STAG3: variants seen among roughly 807,000 people sequenced by gnomAD.
STAG3 encodes STAG3 cohesin complex component.
STAG3 carries 101 observed loss-of-function variants against 160.7 expected under a neutral mutation model. The ratio of observed to expected loss-of-function variants is 0.63; its 90% CI spans 0.54 to 0.74. The LOEUF is 0.74. STAG3 is among the 30% of genes least tolerant of loss of function. STAG3 has a pLI of 0.00. For synonymous variants in STAG3, 519 were observed against 585.0 expected (o/e 0.89, Z 1.63); for missense variants, 1,188 against 1,517.4 (o/e 0.78, Z 3.61).
intron 4 of STAG3, among the ~76,000 whole-genome samples, chr7:100,185,075 T>G (rs1361741354): frequency 1.3e-5 from 2 of 152,036 alleles, no homozygotes; most frequent in Non-Finnish European, 2.9e-5. Context: ...AGGGTCTCAT[T>G]CTTTCTAGGC....
chr7:100,205,435 G>A (rs1441644994), intron 29 of STAG3, 51 bp downstream of exon 29: 2 of 1,518,636 alleles, frequency 1.3e-6, no homozygotes, highest in Non-Finnish European at 1.8e-6. Context: ...GTCGTTGGCT[G>A]CCTGCAAACT....
chr7:100,209,753 G>A lies in STAG3; in HGVS notation c.3239-1258G>A, dbSNP rs566354671. Among the ~76,000 whole-genome samples the A allele has an allele frequency of 9.2e-5, 14 of 152,324 alleles. No homozygotes were observed. In the East Asian group the frequency reaches 2.5e-3, roughly 27 times the overall value. ...GGCCAGATTCTGGGTGCATTTTCAA[G>A]GTATCTCTAATAGGCTTTTCTGACA... On this transcript the variant is annotated intron_variant, in intron 29 of 33. Coordinates refer to ENST00000615138, the MANE Select transcript of STAG3 (RefSeq NM_001282717.2).
chr7:100,211,657 G>A, intron 31 of STAG3, 118 bp downstream of exon 31: 11 of 1,408,682 alleles, frequency 7.8e-6, no homozygotes, highest in Non-Finnish European at 1.1e-5. Context: ...TAGCCACAGA[G>A]CACTTCCTGT....
rs766691556 is a variant in STAG3, at chr7:100,188,800, A to T, written c.511-12A>T. 4.0e-5 allele frequency: 64 copies of T among 1,613,832 alleles called. No individual in the cohort carries two copies. The highest frequency in any genetic ancestry group is 3.1e-5 in the Non-Finnish European group (37 of 1,179,886). Reference sequence around the variant, plus strand: ...AATAACTTTCCCATCCTTTTCATACATCCTTTTGTAGGACTCGGGGGACTA... The same window carrying T: ...AATAACTTTCCCATCCTTTTCATACTTCCTTTTGTAGGACTCGGGGGACTA... On this transcript the variant is annotated splice_polypyrimidine_tract_variant and intron_variant, in intron 6 of 33. Coordinates refer to ENST00000615138, the MANE Select transcript of STAG3 (RefSeq NM_001282717.2).
rs781594291 is a variant in STAG3 at position 100,204,654 on chromosome 7, G to A, written c.2830G>A (p.Gly944Arg). Residue 944 changes from glycine (G) to arginine (R), a missense_variant, in exon 27 of 34, where the codon GGG (glycine) becomes AGG (arginine). Coordinates refer to ENST00000615138, the MANE Select transcript of STAG3 (RefSeq NM_001282717.2). ...QLYTELLQEH[G>R]PQGLNELPAF... ...GTACACAGAACTGCTGCAGGAGCAT[G>A]GGCCCCAGGGCCTGAATGAGCTTCC... The A allele has an allele frequency of 8.1e-6, 13 of 1,614,168 alleles. No homozygotes were observed. The highest frequency in any genetic ancestry group is 7.7e-5 in the South Asian group (7 of 91,086).
rs149453723 is a variant in STAG3 at position 100,189,485 on chromosome 7, A to C, written c.756A>C (p.Gln252His). 2 of 1,613,944 alleles carry C rather than the reference A, an allele frequency of 1.2e-6. No individual in the cohort carries two copies. Among genetic ancestry groups the C allele is most frequent in the Non-Finnish European group, 1.7e-6 (2 of 1,179,996 alleles). ...CCTCCCTGGTAAAAGTTGCCCTCCA[A>C]CTGAGTGTGCACCAAGATAACAATC... ...LMTSLVKVAL[Q>H]LSVHQDNNQR... The change falls in exon 8 of 34, where the codon CAA (glutamine) becomes CAC (histidine). Residue 252 changes from glutamine to histidine, a missense_variant. Physicochemically the swap from Gln to His is conservative, Grantham distance 24 (BLOSUM62 0). Around this residue, in one of 4 missense-constraint regions of STAG3, gnomAD observed 296 missense variants for 404.0 expected, o/e 0.73. Transcript: ENST00000615138.
At chr7:100,218,738 G>A (rs1584835399), downstream of STAG3, 4 of 306,560 alleles carry the variant, frequency 1.3e-5, no homozygotes, top group Middle Eastern at 8.5e-4. Flanking sequence ...TGATAGTGAA[G>A]GGGTGAAAGG....
At chr7:100,185,601 CAA>C (rs57953038) in intron 4 of STAG3, among the ~76,000 whole-genome samples, 116 of 61,678 alleles carry the variant, frequency 1.9e-3, no homozygotes, top group African/African-American at 5.5e-3. Context: ...GACTCCATCT[CAA>C]AAAAAAAAAA....
At chr7:100,201,584 G>A (rs1801137679) in intron 21 of STAG3, 2 of 634,982 alleles carry the variant, frequency 3.1e-6, no homozygotes, top group African/African-American at 1.8e-5. Flanking sequence ...TCTAGAAGAC[G>A]TAGAGTAAAT....
chr7:100,194,147 A>G (rs1262100092), intron 8 of STAG3, among the ~76,000 whole-genome samples: 1 of 151,920 alleles, frequency 6.6e-6, no homozygotes, highest in Non-Finnish European at 1.5e-5. Flanking sequence ...GGGTTTCGCC[A>G]TGTTGGTCAG....
chr7:100,201,805 CTCTTG>C lies in STAG3; in HGVS notation c.2244_2248del (p.Val749PhefsTer12). Reference sequence around the variant, plus strand: ...TTACAGGTTATCCTGCCAGCCTTGACTCTTGTCTATTTTTCCATTCTCTGGACACT... The same window carrying C: ...TTACAGGTTATCCTGCCAGCCTTGACTCTATTTTTCCATTCTCTGGACACT... On this transcript the variant is annotated frameshift_variant, in exon 22 of 34. Transcript: ENST00000615138. LOFTEE classifies it high-confidence loss of function. 2 of 1,614,140 alleles carry C rather than the reference CTCTTG, an allele frequency of 1.2e-6. No individual in the cohort carries two copies. Among genetic ancestry groups the C allele is most frequent in the Non-Finnish European group, 1.7e-6 (2 of 1,180,018 alleles).
At chr7:100,189,393 C>G in intron 7 of STAG3, 52 bp from the exon 8 acceptor site, 2 of 1,562,194 alleles carry the variant, frequency 1.3e-6, no homozygotes, top group Middle Eastern at 1.7e-4. Flanking sequence ...TACTCATCCT[C>G]TCTCCTCTGA....
Position 100,211,434 on chromosome 7 carries a change from G to A in STAG3, c.3414-1G>A. 1 of 1,612,976 alleles carries A rather than the reference G, an allele frequency of 6.2e-7. No homozygotes were observed. ...CATCATTGATCCTGCTTCATTCCCA[G>A]CAGTCAGCCCGTCGCAGGCACCGAG... On this transcript the variant is annotated splice_acceptor_variant, in intron 30 of 33. Coordinates refer to ENST00000615138, the MANE Select transcript of STAG3 (RefSeq NM_001282717.2). LOFTEE classifies it high-confidence loss of function.
At position 100,211,890 on chromosome 7, in the gene STAG3, C is replaced by T. The variant is rs770028116; in HGVS notation, c.3600+14C>T. 3.1e-6 allele frequency: 5 copies of T among 1,612,588 alleles called. No individual in the cohort carries two copies. The highest frequency in any genetic ancestry group is 4.2e-6 in the Non-Finnish European group (5 of 1,179,232). ...GATACAGACATGGTGAGTAGACCAC[C>T]CTGCCCTTCTCTCTCAAGAACTAGG... is the stretch of plus-strand genomic sequence containing the variant. On this transcript the variant is annotated intron_variant, in intron 32 of 33. Coordinates refer to ENST00000615138, the MANE Select transcript of STAG3 (RefSeq NM_001282717.2).
Position 100,198,904 on chromosome 7 carries a change from G to A in STAG3, c.1414G>A (p.Gly472Ser). 1 of 1,612,284 alleles carries A rather than the reference G, an allele frequency of 6.2e-7. No homozygotes were observed. Among genetic ancestry groups the A allele is most frequent in the African/African-American group, 1.3e-5 (1 of 75,004 alleles). ...MGGREQRQSPGAQRTFFQLLL... is the reference protein window; with the variant it reads ...MGGREQRQSPSAQRTFFQLLL... ...TGGAAGAGAGCAACGCCAGAGCCCA[G>A]GCGCCCAGAGGACTTTCTTCCAGCT... Residue 472 changes from glycine (G) to serine (S), a missense_variant, in exon 14 of 34, where the codon GGC (glycine) becomes AGC (serine). By Grantham distance (56) the Gly-to-Ser change is moderately conservative. This residue lies in a region of STAG3 where 240 missense variants were observed against 358.1 expected (regional missense o/e 0.67). Transcript: ENST00000615138.
chr7:100,202,015 G>T lies in STAG3; in HGVS notation c.2368G>T (p.Asp790Tyr), dbSNP rs778263394. 1.4e-5 allele frequency: 22 copies of T among 1,614,062 alleles called. No individual in the cohort carries two copies. The highest frequency in any genetic ancestry group is 1.7e-5 in the Non-Finnish European group (20 of 1,180,038). The change falls in exon 23 of 34, where the codon GAT (aspartate) becomes TAT (tyrosine). Residue 790 changes from aspartate (D) to tyrosine (Y), a missense_variant. Physicochemically the swap from Asp to Tyr is radical, Grantham distance 160. Coordinates refer to ENST00000615138, the MANE Select transcript of STAG3 (RefSeq NM_001282717.2). ...FCELCQSCLS[D>Y]VDTEIQEQAF... is the part of the protein sequence containing the mutation. ...TGAACTCTGCCAGAGTTGCCTCTCA[G>T]ATGTGGATACTGAGATCCAGGAGCA...
chr7:100,184,463 G>GGTTTTTT lies in STAG3; in HGVS notation c.336+1624_336+1625insGTTTTTT, dbSNP rs71126310. Among the ~76,000 whole-genome samples the GGTTTTTT allele has an allele frequency of 8.8e-3, 871 of 98,576 alleles. 76 individuals are homozygous for GGTTTTTT. The highest frequency in any genetic ancestry group is 0.029 in the African/African-American group (739 of 25,340). The allele number at this position is 98,576 out of a possible 152,430, so 64.7% of individuals were successfully genotyped here. On this transcript the variant is annotated intron_variant, in intron 4 of 33. Transcript: ENST00000615138. ...TTATATGCAGTTGTACAGCGTGTTA[G>GGTTTTTT]TTTTTTTTTTTTTTTTTTTTTTTGA...
chr7:100,199,123 C>G (rs1800893558), intron 14 of STAG3, 139 bp from the exon 15 acceptor site: 3 of 844,472 alleles, frequency 3.6e-6, no homozygotes, highest in Non-Finnish European at 5.8e-6. Context: ...GACCCTGTCT[C>G]TATCGAAAAA....
At position 100,197,759 on chromosome 7, in the gene STAG3, G is replaced by T; in HGVS notation, c.1066-19G>T. 2 of 1,601,218 alleles carry T rather than the reference G, an allele frequency of 1.2e-6. No individual in the cohort carries two copies. The highest frequency in any genetic ancestry group is 1.7e-6 in the Non-Finnish European group (2 of 1,168,530). ...TGGTTAGTCTTATTTCCATTCTCCT[G>T]GTTTTCCCTCCTCACCAGCACCGAG... On this transcript the variant is annotated intron_variant, in intron 10 of 33. Coordinates refer to ENST00000615138, the MANE Select transcript of STAG3 (RefSeq NM_001282717.2).
Sources: allele counts gnomAD v4.1 joint callset (sites outside exome capture counted in the v4.1 genomes callset), GRCh38; gene constraint gnomAD v4.1.1; regional missense constraint gnomAD v4.1.1; transcripts MANE v1.5; gene names NCBI Gene and HGNC (gene_info 2026-07-23, HGNC 2026-07-21).